The following FAR2 variants were observed in gnomAD, a reference collection of about 807,000 sequenced individuals.
FAR2 encodes the protein epididymis secretory protein Li 81.
FAR2 carries 19 observed loss-of-function variants against 56.0 expected under a neutral mutation model. The ratio of observed to expected loss-of-function variants is 0.34; its 90% CI spans 0.24 to 0.50. The LOEUF is 0.50. Ranked by LOEUF, FAR2 falls within the 20% of genes least tolerant of loss-of-function variation. FAR2 has a pLI of 0.98. For synonymous variants in FAR2, 219 were observed against 218.8 expected, an observed-to-expected ratio of 1.00 and a Z score of -0.01; for missense variants, 508 against 642.2, an observed-to-expected ratio of 0.79 and a Z score of 2.26.
chr12:29,228,790 G>T (rs1003756955), intron 1 of FAR2, among the ~76,000 whole-genome samples: 5 of 152,184 alleles, frequency 3.3e-5, no homozygotes, highest in African/African-American at 1.2e-4. Flanking sequence ...GTTTTGCCAT[G>T]TTGGCCAGGC....
intron 1 of FAR2, among the ~76,000 whole-genome samples, chr12:29,233,655 A>G (rs1947893457): frequency 6.6e-6 from 1 of 152,162 alleles, no homozygotes; most frequent in African/African-American, 2.4e-5. Context: ...CTTGCTAATC[A>G]ATGCTTCTAA....
At chr12:29,255,852 T>A (rs1948308529) in intron 1 of FAR2, among the ~76,000 whole-genome samples, 1 of 152,090 alleles carries the variant, frequency 6.6e-6, no homozygotes, top group Non-Finnish European at 1.5e-5. Context: ...CTTTTCAGTT[T>A]ATCTTATTAT....
At chr12:29,164,347 A>G (rs1949807396) in intron 1 of FAR2, among the ~76,000 whole-genome samples, 1 of 152,090 alleles carries the variant, frequency 6.6e-6, no homozygotes, top group East Asian at 1.9e-4. Context: ...CTTGTTTCTC[A>G]TGCCTGCATC....
chr12:29,243,906 C>T (rs1948081876), intron 1 of FAR2, among the ~76,000 whole-genome samples: 1 of 152,146 alleles, frequency 6.6e-6, no homozygotes, highest in Non-Finnish European at 1.5e-5. Context: ...AGATGAGAGA[C>T]AAAGCACCTC....
intron 1 of FAR2, among the ~76,000 whole-genome samples, chr12:29,178,790 C>T (rs1045559279): frequency 5.3e-5 from 8 of 152,162 alleles, no homozygotes; most frequent in African/African-American, 7.2e-5. Context: ...GCTTAATTTA[C>T]GTGTTTATTG....
At chr12:29,169,752 T>C (rs2136585660) in intron 1 of FAR2, among the ~76,000 whole-genome samples, 1 of 152,338 alleles carries the variant, frequency 6.6e-6, no homozygotes. Context: ...ATAGATTTTG[T>C]TATTTCTTGC....
chr12:29,297,917 G>C (rs1230761234), intron 4 of FAR2, among the ~76,000 whole-genome samples: 1 of 152,000 alleles, frequency 6.6e-6, no homozygotes, highest in Admixed American at 6.6e-5. Flanking sequence ...TTGGGAGGCT[G>C]AGGCAGGAGA....
chr12:29,239,199 G>A (rs1947985802), intron 1 of FAR2, among the ~76,000 whole-genome samples: 1 of 152,062 alleles, frequency 6.6e-6, no homozygotes, highest in Non-Finnish European at 1.5e-5. Flanking sequence ...CAAGGAGAGG[G>A]GATTACACAC....
intron 1 of FAR2, among the ~76,000 whole-genome samples, chr12:29,205,621 G>C (rs566316253): frequency 2.0e-5 from 3 of 152,292 alleles, no homozygotes; most frequent in East Asian, 1.9e-4. Context: ...TGGAAAAAAA[G>C]CTTCATGGTC....
At chr12:29,323,402 G>C (rs1210023485) in intron 10 of FAR2, among the ~76,000 whole-genome samples, 1 of 152,174 alleles carries the variant, frequency 6.6e-6, no homozygotes, top group African/African-American at 2.4e-5. Flanking sequence ...GAGAGTAGTG[G>C]TTCCTCCAGC....
At chr12:29,313,545 T>C (rs1042837458) in intron 8 of FAR2, among the ~76,000 whole-genome samples, 1 of 152,164 alleles carries the variant, frequency 6.6e-6, no homozygotes. Context: ...TACCTATAAA[T>C]TATCTGGATT....
chr12:29,291,270 T>C, intron 2 of FAR2: 1 of 349,888 alleles, frequency 2.9e-6, no homozygotes, highest in South Asian at 2.2e-5. Context: ...TTCCCAATTA[T>C]GGTACCTGGA....
At chr12:29,263,992 A>G (rs1010147268) in intron 1 of FAR2, among the ~76,000 whole-genome samples, 6 of 152,138 alleles carry the variant, frequency 3.9e-5, no homozygotes, top group African/African-American at 1.4e-4. Context: ...AAAACCAGAT[A>G]AAGACACATC....
chr12:29,300,058 G>T (rs1476111357), intron 4 of FAR2, among the ~76,000 whole-genome samples: 1 of 152,170 alleles, frequency 6.6e-6, no homozygotes, highest in Non-Finnish European at 1.5e-5. Context: ...TCCAGCTAGG[G>T]ACTCAATGCT....
At chr12:29,293,227 G>A in intron 2 of FAR2, 73 bp from the exon 3 acceptor site, 6 of 1,240,374 alleles carry the variant, frequency 4.8e-6, no homozygotes, top group Non-Finnish European at 6.5e-6. Context: ...TAATTAAGCA[G>A]GTTGTTATAA....
intron 1 of FAR2, among the ~76,000 whole-genome samples, chr12:29,246,728 G>A (rs1948133683): frequency 6.6e-6 from 1 of 152,070 alleles, no homozygotes; most frequent in African/African-American, 2.4e-5. Flanking sequence ...ACTACTCACA[G>A]TTTAACACTA....
At chr12:29,177,392 G>A (rs950915869) in intron 1 of FAR2, among the ~76,000 whole-genome samples, 1 of 152,048 alleles carries the variant, frequency 6.6e-6, no homozygotes, top group African/African-American at 2.4e-5. Context: ...GCTTCTATTT[G>A]TGTTTTTACT....
At chr12:29,323,601 T>C (rs185857429) in intron 10 of FAR2, among the ~76,000 whole-genome samples, 1 of 152,330 alleles carries the variant, frequency 6.6e-6, no homozygotes, top group Non-Finnish European at 1.5e-5. Flanking sequence ...ATATCCGCTG[T>C]TCTGCAGCCA....
At chr12:29,273,335 T>G (rs1948650831) in intron 2 of FAR2, among the ~76,000 whole-genome samples, 2 of 152,142 alleles carry the variant, frequency 1.3e-5, no homozygotes, top group African/African-American at 4.8e-5. Flanking sequence ...AGCCTCTGGC[T>G]AGAGTTATTG....
Sources: gnomAD v4.1 joint callset for allele counts (sites outside exome capture counted in the v4.1 genomes callset) on GRCh38, gnomAD v4.1.1 for gene constraint, MANE v1.5 for transcripts, NCBI Gene and HGNC (gene_info 2026-07-23, HGNC 2026-07-21) for gene names.